Variants in WDFY2 observed in about 807,000 individuals in gnomAD.
The protein encoded by WDFY2 is WD repeat and FYVE domain containing 2.
In WDFY2, 36 loss-of-function variants were observed where a neutral mutation model predicts 56.4. The ratio of observed to expected loss-of-function variants is 0.64; its 90% confidence interval spans 0.49 to 0.84. The LOEUF is 0.84. Ranked by LOEUF, WDFY2 falls within the 40% of genes least tolerant of loss-of-function variation. WDFY2 has a pLI of 0.00. For synonymous variants in WDFY2, 176 were observed against 183.7 expected (o/e 0.96, Z 0.34); for missense variants, 444 against 512.2 (o/e 0.87, Z 1.29).
intron 5 of WDFY2, 30 bp downstream of exon 5, chr13:51,719,378 T>C: frequency 6.5e-7 from 1 of 1,532,510 alleles, no homozygotes; most frequent in Non-Finnish European, 8.7e-7. Context: ...AATCTCTTAG[T>C]GGGAACTTAA....
intron 1 of WDFY2, chr13:51,590,734 A>G (rs1475318512): frequency 6.6e-6 from 1 of 152,044 alleles, no homozygotes; most frequent in Non-Finnish European, 1.5e-5. Flanking sequence ...GGAGAGTGTT[A>G]CAATTAACCT....
chr13:51,684,772 G>A (rs1281399161), intron 3 of WDFY2, among the ~76,000 whole-genome samples: 1 of 152,028 alleles, frequency 6.6e-6, no homozygotes, highest in Admixed American at 6.6e-5. Context: ...TCCAGACTCT[G>A]GCCTTCTTTG....
chr13:51,660,675 A>G lies in WDFY2; in HGVS notation c.205+12A>G, dbSNP rs1285713469. 4 of 1,612,972 alleles carry G rather than the reference A, an allele frequency of 2.5e-6. No individual in the cohort carries two copies. Among genetic ancestry groups the G allele is most frequent in the Admixed American group, 3.3e-5 (2 of 59,950 alleles). On this transcript the variant is annotated intron_variant, in intron 2 of 11. Coordinates refer to ENST00000298125, the MANE Select transcript of WDFY2 (RefSeq NM_052950.4). ...CCATGCAATGCCTTGTAAGTATCCA[A>G]ATCGCTGTCTTGAAAAACCAGACAT...
At chr13:51,596,828 G>A (rs1409201622) in intron 1 of WDFY2, among the ~76,000 whole-genome samples, 8 of 152,194 alleles carry the variant, frequency 5.3e-5, no homozygotes, top group Admixed American at 2.0e-4. Context: ...CAGGAAAAAA[G>A]GCAGAAGTTG....
At chr13:51,713,539 T>G (rs1158956372) in intron 4 of WDFY2, among the ~76,000 whole-genome samples, 4 of 152,124 alleles carry the variant, frequency 2.6e-5, no homozygotes, top group Non-Finnish European at 4.4e-5. Context: ...CACATGCAAA[T>G]GAACCTTGAA....
At chr13:51,585,853 C>T (rs1456371654) in intron 1 of WDFY2, among the ~76,000 whole-genome samples, 2 of 152,168 alleles carry the variant, frequency 1.3e-5, no homozygotes, top group Non-Finnish European at 2.9e-5. Context: ...GTGCTCATTG[C>T]TGTCTTTATA....
rs1430088881 is a variant in WDFY2, at chr13:51,764,004, GAGAA to G, written c.*4238_*4241del. The G allele has an allele frequency of 5.3e-5, 8 of 152,200 alleles. No individual in the cohort carries two copies. Among genetic ancestry groups the G allele is most frequent in the African/African-American group, 1.4e-4 (6 of 41,446 alleles). 9.4% of individuals were successfully genotyped at this position (152,200 alleles called of 1,614,324 possible). On this transcript the variant is annotated 3_prime_UTR_variant, in exon 12 of 12. Coordinates refer to ENST00000298125, the MANE Select transcript of WDFY2 (RefSeq NM_052950.4). ...TGTTCACTAAGATATTTCGAAGTGA[GAGAA>G]AGCATTTTACCAATACATTCTTATT...
chr13:51,759,861 GAAGT>G lies in WDFY2; in HGVS notation c.*96_*99del, dbSNP rs1953525687. On this transcript the variant is annotated 3_prime_UTR_variant, in exon 12 of 12. Transcript: ENST00000298125. ...CCAGAGTGGTAAAGCAGACATGTGA[GAAGT>G]AAGAAAGAAACTAAAGACCCTGAAT... is the stretch of plus-strand genomic sequence containing the variant. 7.1e-7 allele frequency: 1 copy of G among 1,401,308 alleles called. No individual in the cohort carries two copies. Among genetic ancestry groups the G allele is most frequent in the Non-Finnish European group, 1.0e-6 (1 of 1,000,536 alleles). The allele number at this position is 1,401,308 out of a possible 1,614,324, so 86.8% of individuals were successfully genotyped here.
intron 2 of WDFY2, among the ~76,000 whole-genome samples, chr13:51,671,302 T>C (rs189182120): frequency 1.1e-4 from 17 of 152,328 alleles, no homozygotes; most frequent in African/African-American, 4.1e-4. Flanking sequence ...CTGTTTTCCA[T>C]AGTGGTTGTA....
At chr13:51,667,820 A>G (rs1955734817) in intron 2 of WDFY2, among the ~76,000 whole-genome samples, 1 of 149,894 alleles carries the variant, frequency 6.7e-6, no homozygotes, top group African/African-American at 2.5e-5. Context: ...ATAAACCATA[A>G]TGTAATGTGA....
chr13:51,745,804 T>C (rs12427748), intron 7 of WDFY2, among the ~76,000 whole-genome samples: 19,358 of 148,498 alleles, frequency 0.13, 1,555 homozygotes, highest in South Asian at 0.22. Context: ...ATTATTTATA[T>C]TGGTACAGTA....
chr13:51,647,337 G>A (rs1187286533), intron 1 of WDFY2, among the ~76,000 whole-genome samples: 1 of 152,226 alleles, frequency 6.6e-6, no homozygotes, highest in Non-Finnish European at 1.5e-5. Flanking sequence ...TATATAGCCT[G>A]TCATTCCTAG....
intron 3 of WDFY2, among the ~76,000 whole-genome samples, chr13:51,692,637 A>G (rs560084032): frequency 5.5e-4 from 84 of 152,260 alleles, no homozygotes; most frequent in African/African-American, 1.9e-3. Flanking sequence ...TTCATCAAGG[A>G]TATTGGTCTA....
intron 4 of WDFY2, among the ~76,000 whole-genome samples, chr13:51,716,631 T>A (rs1228513220): frequency 7.2e-6 from 1 of 139,786 alleles, no homozygotes; most frequent in Non-Finnish European, 1.5e-5. Flanking sequence ...AGGCGGAGCT[T>A]GCAGTGAGCC....
chr13:51,696,267 A>G (rs1951874267), intron 3 of WDFY2, among the ~76,000 whole-genome samples: 1 of 152,240 alleles, frequency 6.6e-6, no homozygotes, highest in South Asian at 2.1e-4. Flanking sequence ...CATCTTCTGC[A>G]TCGCTGACGC....
At chr13:51,714,671 TTAAATA>T (rs1952304284) in intron 4 of WDFY2, among the ~76,000 whole-genome samples, 1 of 152,044 alleles carries the variant, frequency 6.6e-6, no homozygotes, top group Admixed American at 6.6e-5. Context: ...CCTCAAAGAG[TTAAATA>T]TAAAGTTACG....
intron 5 of WDFY2, among the ~76,000 whole-genome samples, chr13:51,726,320 G>A (rs1952604498): frequency 6.6e-6 from 1 of 152,196 alleles, no homozygotes; most frequent in South Asian, 2.1e-4. Context: ...TTGTGTGGAT[G>A]TAGCATAGTT....
At chr13:51,752,283 A>C (rs1167549603) in intron 8 of WDFY2, among the ~76,000 whole-genome samples, 5 of 152,244 alleles carry the variant, frequency 3.3e-5, no homozygotes, top group African/African-American at 7.2e-5. Context: ...TCAGATCTTA[A>C]GTCCATGGGA....
At chr13:51,637,705 AAGG>A (rs1955078973) in intron 1 of WDFY2, among the ~76,000 whole-genome samples, 1 of 152,194 alleles carries the variant, frequency 6.6e-6, no homozygotes, top group South Asian at 2.1e-4. Flanking sequence ...CTGAAAGTAA[AAGG>A]AGGAATGCGT....
Sources: allele counts gnomAD v4.1 joint callset (sites outside exome capture counted in the v4.1 genomes callset), GRCh38; gene constraint gnomAD v4.1.1; transcripts MANE v1.5; gene names NCBI Gene and HGNC (gene_info 2026-07-23, HGNC 2026-07-21).